SIRPG: variants seen among roughly 807,000 people sequenced by gnomAD.
The protein encoded by SIRPG is signal-regulatory protein gamma.
SIRPG carries 38 observed loss-of-function variants against 35.7 expected under a neutral mutation model. The ratio of observed to expected loss-of-function variants is 1.06; its 90% CI spans 0.82 to 1.40. The LOEUF (loss-of-function observed/expected upper bound fraction) is 1.40. Ranked by LOEUF, SIRPG falls within the 40% of genes most tolerant of loss-of-function variation. The pLI, the probability that SIRPG is intolerant of heterozygous loss-of-function variation, is 0.00. For synonymous variants in SIRPG, 215 were observed against 190.4 expected (o/e 1.13, Z -1.06); for missense variants, 519 against 483.0 (o/e 1.07, Z -0.70).
chr20:1,657,530 T>G, intron 1 of SIRPG, 112 bp downstream of exon 1: 1 of 1,044,384 alleles, frequency 9.6e-7, no homozygotes, highest in East Asian at 2.4e-5. Flanking sequence ...CAATGTCCAG[T>G]CCTTGACCTT....
At chr20:1,654,042 G>T (rs752505338) in intron 1 of SIRPG, among the ~76,000 whole-genome samples, 1 of 151,990 alleles carries the variant, frequency 6.6e-6, no homozygotes, top group Non-Finnish European at 1.5e-5. Flanking sequence ...AATCGAGACC[G>T]TCTTGGCCAA....
At chr20:1,635,171 G>C (rs1001812373) in intron 4 of SIRPG, 96 bp downstream of exon 4, 1 of 1,018,582 alleles carries the variant, frequency 9.8e-7, no homozygotes, top group African/African-American at 1.6e-5. Context: ...ATTTTACTTT[G>C]TATTTATAGA....
chr20:1,678,334 T>G, the SIRPG span, among the ~76,000 whole-genome samples: 2 of 152,106 alleles, frequency 1.3e-5, no homozygotes, highest in African/African-American at 4.8e-5. Flanking sequence ...GACAAACAAC[T>G]AAAATAATTC....
chr20:1,658,937 A>G (rs1006496242), upstream of SIRPG, among the ~76,000 whole-genome samples: 1 of 152,184 alleles, frequency 6.6e-6, no homozygotes, highest in Non-Finnish European at 1.5e-5. Flanking sequence ...TTGTTCAACC[A>G]TAGATTAATT....
the SIRPG span, among the ~76,000 whole-genome samples, chr20:1,665,787 GTTTTTC>G: frequency 6.6e-6 from 1 of 152,104 alleles, no homozygotes; most frequent in African/African-American, 2.4e-5. Context: ...AAAGCCCTTT[GTTTTTC>G]TTTTTATGTG....
At position 1,649,497 on chromosome 20, in the gene SIRPG, CACATCAGGAATCAGGAGCAGG is replaced by C. The variant is rs1449934060; in HGVS notation, c.74-110_74-90del. ...ATCAAAGATATTCAGTGACTGGGTG[CACATCAGGAATCAGGAGCAGG>C]ACTTGATCTCAGCACACTGCATGTA... On this transcript the variant is annotated intron_variant, in intron 1 of 5. Coordinates refer to ENST00000303415, the MANE Select transcript of SIRPG (RefSeq NM_018556.4). The C allele has an allele frequency of 7.4e-6, 9 of 1,221,060 alleles. No individual in the cohort carries two copies. In the East Asian group the frequency reaches 2.1e-4, roughly 28 times the overall value. 75.6% of individuals were successfully genotyped at this position (1,221,060 alleles called of 1,614,324 possible). A position where few individuals can be genotyped will look rare whatever the true frequency, so the allele number is the denominator to read the frequency against.
At chr20:1,631,856 G>A (rs2091753254) in intron 4 of SIRPG, among the ~76,000 whole-genome samples, 1 of 152,148 alleles carries the variant, frequency 6.6e-6, no homozygotes, top group East Asian at 1.9e-4. Flanking sequence ...TTGTTCCATG[G>A]CTATCACTGG....
the SIRPG span, among the ~76,000 whole-genome samples, chr20:1,664,279 T>C: frequency 6.6e-6 from 1 of 152,260 alleles, no homozygotes; most frequent in African/African-American, 2.4e-5. Flanking sequence ...ATATTCAAAC[T>C]ATCTTGGATG....
the SIRPG span, among the ~76,000 whole-genome samples, chr20:1,671,997 T>G: frequency 2.0e-5 from 3 of 152,320 alleles, no homozygotes; most frequent in South Asian, 6.2e-4. Context: ...GGCCAGTTTA[T>G]GGCCAGATTT....
the SIRPG span, among the ~76,000 whole-genome samples, chr20:1,669,168 A>G: frequency 6.6e-6 from 1 of 152,252 alleles, no homozygotes; most frequent in African/African-American, 2.4e-5. Context: ...AATTTGCCGT[A>G]CAGGCTGATA....
At chr20:1,665,336 G>T in the SIRPG span, 111,339 of 166,478 alleles carry the variant, frequency 0.67, 37,947 homozygotes, top group East Asian at 0.86. Context: ...CCCCCAGCAG[G>T]GCCCTGGGGC....
chr20:1,651,519 G>T (rs1455421855), intron 1 of SIRPG: 1 of 152,128 alleles, frequency 6.6e-6, no homozygotes, highest in African/African-American at 2.4e-5. Context: ...GCCCTACCCA[G>T]CTATGCCTCT....
chr20:1,680,636 A>G, the SIRPG span, among the ~76,000 whole-genome samples: 2 of 152,266 alleles, frequency 1.3e-5, no homozygotes, highest in African/African-American at 4.8e-5. Context: ...TATTCCTGAA[A>G]TCCAAGGATG....
chr20:1,649,606 G>A (rs1600221855), intron 1 of SIRPG, among the ~76,000 whole-genome samples, 198 bp from the exon 2 acceptor site: 1 of 148,174 alleles, frequency 6.7e-6, no homozygotes, highest in Non-Finnish European at 1.5e-5. Flanking sequence ...TGAGGGCACT[G>A]AGGCCTGAGG....
At chr20:1,672,726 C>T in the SIRPG span, among the ~76,000 whole-genome samples, 1 of 142,120 alleles carries the variant, frequency 7.0e-6, no homozygotes, top group Admixed American at 7.4e-5. Flanking sequence ...TTTCTTTTGG[C>T]TTTTCGGCCA....
intron 1 of SIRPG, among the ~76,000 whole-genome samples, chr20:1,650,090 C>T (rs1185118082): frequency 6.8e-6 from 1 of 146,712 alleles, no homozygotes; most frequent in Non-Finnish European, 1.5e-5. Flanking sequence ...TAAAAACTGT[C>T]AGTAAAGCTA....
At position 1,636,380 on chromosome 20, in the gene SIRPG, C is replaced by T; in HGVS notation, c.556G>A (p.Gly186Arg). ...RDITLKWFKN[G>R]NELSDFQTNV... The stretch of plus-strand genomic sequence containing the variant: ...GTCTGGAAGTCTGAGAGCTCATTCC[C>T]ATTTTTGAACCATTTCAGGGTGATG... Residue 186 changes from glycine to arginine, a missense_variant, in exon 3 of 6, where the codon GGG (glycine) becomes AGG (arginine). Transcript: ENST00000303415. 3.1e-6 allele frequency: 5 copies of T among 1,614,256 alleles called. No homozygotes were observed. Among genetic ancestry groups the T allele is most frequent in the Non-Finnish European group, 4.2e-6 (5 of 1,180,046 alleles).
chr20:1,635,900 C>T (rs988720771), intron 3 of SIRPG, among the ~76,000 whole-genome samples: 1 of 152,148 alleles, frequency 6.6e-6, no homozygotes, highest in Non-Finnish European at 1.5e-5. Context: ...TCAGTGAAAT[C>T]GCCGAGCACA....
chr20:1,639,444 C>A (rs761320065), intron 2 of SIRPG, among the ~76,000 whole-genome samples: 1 of 152,094 alleles, frequency 6.6e-6, no homozygotes, highest in Non-Finnish European at 1.5e-5. Context: ...TGTTCATATA[C>A]TTTGCATACT....
Sources: allele counts gnomAD v4.1 joint callset (sites outside exome capture counted in the v4.1 genomes callset), GRCh38; gene constraint gnomAD v4.1.1; transcripts MANE v1.5; gene names NCBI Gene and HGNC (gene_info 2026-07-23, HGNC 2026-07-21).